TTC27: variants seen among roughly 807,000 people sequenced by gnomAD.
The protein encoded by TTC27 is tetratricopeptide repeat protein 27.
TTC27 carries 79 observed loss-of-function variants against 115.9 expected under a neutral mutation model. The observed-to-expected ratio is 0.68, with a 90% CI of 0.57 to 0.82. The LOEUF is 0.82. TTC27 is among the 40% of genes least tolerant of loss of function. The probability of loss-of-function intolerance (pLI) is 0.00; values close to 1 mark genes in which losing one functional copy is unlikely to be tolerated. For synonymous variants in TTC27, 401 were observed against 356.0 expected (o/e 1.13, Z -1.42); for missense variants, 1,054 against 993.1 (o/e 1.06, Z -0.82).
chr2:32,782,418 A>T (rs1265472356), intron 14 of TTC27, among the ~76,000 whole-genome samples: 1 of 152,234 alleles, frequency 6.6e-6, no homozygotes, highest in East Asian at 1.9e-4. Flanking sequence ...TAATAGTTAC[A>T]TTGCATAGTT....
chr2:32,632,786 G>A (rs1473846541), intron 2 of TTC27, among the ~76,000 whole-genome samples: 4 of 152,154 alleles, frequency 2.6e-5, no homozygotes, highest in Admixed American at 2.0e-4. Context: ...GGATTCCCTG[G>A]CTGTTATTTG....
At chr2:32,628,975 G>A (rs1464559091) in intron 1 of TTC27, among the ~76,000 whole-genome samples, 4 of 151,434 alleles carry the variant, frequency 2.6e-5, no homozygotes, top group Admixed American at 6.6e-5. Flanking sequence ...GGCCTAGCTG[G>A]TCTGGAACTC....
chr2:32,741,034 A>G (rs1668616580), intron 12 of TTC27, among the ~76,000 whole-genome samples: 1 of 152,224 alleles, frequency 6.6e-6, no homozygotes, highest in East Asian at 1.9e-4. Context: ...CTACTCTGTC[A>G]TCCAGGTTGC....
intron 3 of TTC27, among the ~76,000 whole-genome samples, chr2:32,637,138 T>C (rs1301321362): frequency 6.6e-6 from 1 of 152,216 alleles, no homozygotes; most frequent in South Asian, 2.1e-4. Flanking sequence ...AGCTTGAGTG[T>C]CACAGGTAAT....
intron 5 of TTC27, among the ~76,000 whole-genome samples, chr2:32,655,913 A>C (rs1018028235): frequency 2.9e-4 from 44 of 152,250 alleles, no homozygotes; most frequent in African/African-American, 8.2e-4. Flanking sequence ...AAATAGATGA[A>C]ATTGCAAATT....
intron 10 of TTC27, among the ~76,000 whole-genome samples, chr2:32,712,425 G>C (rs1428778360): frequency 1.3e-5 from 2 of 152,162 alleles, no homozygotes; most frequent in Non-Finnish European, 2.9e-5. Context: ...TTCAGAAGCT[G>C]CTTGAAATAA....
Position 32,666,690 on chromosome 2 carries a change from A to G in TTC27, c.861A>G (p.Leu287=), listed in dbSNP as rs1226390353. ...FQENYVAQLI[L]DVRREGDVLS... ...AAAATTATGTGGCACAACTGATTCT[A>G]GATGTAAGAAGGGAAGGGGATGTCC... The change falls in exon 7 of 20, where the codon CTA becomes CTG. Residue 287 remains leucine (L), a synonymous_variant. Transcript: ENST00000317907. 2 of 1,613,984 alleles carry G rather than the reference A, an allele frequency of 1.2e-6. No homozygotes were observed. Among genetic ancestry groups the G allele is most frequent in the African/African-American group, 2.7e-5 (2 of 74,946 alleles).
rs70938367 is a variant in TTC27 at position 32,807,928 on chromosome 2, CTTTTTTTTT to C, written c.1999-3083_1999-3075del. On this transcript the variant is annotated intron_variant, in intron 16 of 19. Coordinates refer to ENST00000317907, the MANE Select transcript of TTC27 (RefSeq NM_017735.5). The stretch of plus-strand genomic sequence containing the variant: ...GATGAGTGAGTTCTCTACTTGCCCT[CTTTTTTTTT>C]TTTTTTTTTTTTGGAGACAGAGTTT... Among the ~76,000 whole-genome samples the C allele has an allele frequency of 1.5e-3, 167 of 109,654 alleles. 1 individual carries two copies. Among genetic ancestry groups the C allele is most frequent in the Middle Eastern group, 5.4e-3 (1 of 184 alleles). The allele number at this position is 109,654 out of a possible 152,430, so 71.9% of individuals were successfully genotyped here.
At chr2:32,763,913 C>CAATTTCCCAGGCAG (rs1398432421) in intron 13 of TTC27, among the ~76,000 whole-genome samples, 6 of 152,326 alleles carry the variant, frequency 3.9e-5, no homozygotes, top group Admixed American at 2.6e-4. Context: ...CTCCCAGGCA[C>CAATTTCCCAGGCAG]AATTTCCCAG....
intron 14 of TTC27, among the ~76,000 whole-genome samples, chr2:32,779,088 A>G (rs1670089204): frequency 6.6e-6 from 1 of 152,150 alleles, no homozygotes; most frequent in Admixed American, 6.5e-5. Flanking sequence ...GCTGGGCGTG[A>G]TGACGCATGC....
At chr2:32,698,281 C>T (rs575688870) in intron 9 of TTC27, among the ~76,000 whole-genome samples, 83 of 151,900 alleles carry the variant, frequency 5.5e-4, no homozygotes, top group African/African-American at 1.8e-3. Context: ...CTGCACATGC[C>T]ACCACACCCA....
At chr2:32,655,591 G>A (rs1266246087) in intron 5 of TTC27, among the ~76,000 whole-genome samples, 3 of 152,104 alleles carry the variant, frequency 2.0e-5, no homozygotes, top group Non-Finnish European at 4.4e-5. Context: ...ACGTTTTGTA[G>A]TCCAGCTTCT....
chr2:32,715,907 G>A (rs557664776), intron 10 of TTC27, among the ~76,000 whole-genome samples: 3 of 151,796 alleles, frequency 2.0e-5, no homozygotes, highest in African/African-American at 4.8e-5. Flanking sequence ...ACACTCTGCA[G>A]GAATTAGATG....
intron 9 of TTC27, among the ~76,000 whole-genome samples, chr2:32,697,111 G>A (rs1246550921): frequency 6.6e-6 from 1 of 151,988 alleles, no homozygotes; most frequent in Non-Finnish European, 1.5e-5. Context: ...AGAATCACTT[G>A]AGCCTGGGAG....
chr2:32,803,124 A>G (rs570196089), intron 16 of TTC27, among the ~76,000 whole-genome samples: 3 of 152,006 alleles, frequency 2.0e-5, no homozygotes, highest in Non-Finnish European at 4.4e-5. Flanking sequence ...TGCCACTGCC[A>G]CCTCCCACCA....
rs768599352 is a variant in TTC27 at position 32,666,615 on chromosome 2, T to C, written c.806-20T>C. ...GATCTCATGGGTAAGTCAGTAGATA[T>C]AATTTTATTGTTTTTTCAGGTGCTT... On this transcript the variant is annotated intron_variant, in intron 6 of 19. Transcript: ENST00000317907. 31 of 1,613,244 alleles carry C rather than the reference T, an allele frequency of 1.9e-5. No homozygotes were observed. Among genetic ancestry groups the C allele is most frequent in the Non-Finnish European group, 2.6e-5 (31 of 1,179,574 alleles).
intron 10 of TTC27, among the ~76,000 whole-genome samples, chr2:32,720,382 A>G (rs1455385979): frequency 6.6e-6 from 1 of 152,202 alleles, no homozygotes; most frequent in East Asian, 1.9e-4. Flanking sequence ...CTTACTTATT[A>G]GCAGGACTAA....
At chr2:32,785,500 C>A (rs533573611) in intron 15 of TTC27, among the ~76,000 whole-genome samples, 1 of 152,010 alleles carries the variant, frequency 6.6e-6, no homozygotes, top group Non-Finnish European at 1.5e-5. Context: ...TTTTATAATT[C>A]GAATTCTGTG....
At chr2:32,738,000 A>G (rs1162370352) in intron 12 of TTC27, among the ~76,000 whole-genome samples, 1 of 152,182 alleles carries the variant, frequency 6.6e-6, no homozygotes, top group Admixed American at 6.5e-5. Context: ...TAGACGACAC[A>G]GTGAGACCCT....
Sources: allele counts gnomAD v4.1 joint callset (sites outside exome capture counted in the v4.1 genomes callset), GRCh38; gene constraint gnomAD v4.1.1; transcripts MANE v1.5; gene names NCBI Gene and HGNC (gene_info 2026-07-23, HGNC 2026-07-21).